Variants in RPE observed in about 807,000 individuals in gnomAD.
The protein encoded by RPE is ribulose-phosphate 3-epimerase.
In RPE, 16 loss-of-function variants were observed where a neutral mutation model predicts 24.6. The ratio of observed to expected loss-of-function variants is 0.65; its 90% CI spans 0.44 to 0.99. The LOEUF is 0.99. Ranked by LOEUF, RPE falls within the 50% of genes least tolerant of loss-of-function variation. RPE has a pLI of 0.00. For missense variants in RPE, 240 were observed against 294.5 expected, an observed-to-expected ratio of 0.81 and a Z score of 1.35; for synonymous variants, 93 against 98.4, an observed-to-expected ratio of 0.94 and a Z score of 0.33.
chr2:210,015,120 A>G (rs999901537), intron 2 of RPE, among the ~76,000 whole-genome samples: 4 of 152,140 alleles, frequency 2.6e-5, no homozygotes, highest in African/African-American at 7.2e-5. Flanking sequence ...CCGTTCTTCT[A>G]GTTGATAAGG....
In RPE at chr2:210,016,005, T is replaced by A. The variant is rs1362367293; in HGVS notation, c.235T>A (p.Trp79Arg). The A allele has an allele frequency of 6.2e-6, 10 of 1,614,050 alleles. No homozygotes were observed. Among genetic ancestry groups the A allele is most frequent in the African/African-American group, 1.3e-5 (1 of 74,906 alleles). The change falls in exon 3 of 6, where the codon TGG becomes AGG. Residue 79 changes from tryptophan (W) to arginine (R), a missense_variant. Physicochemically the swap from Trp to Arg is moderately radical, Grantham distance 101. Coordinates refer to ENST00000359429, the MANE Select transcript of RPE (RefSeq NM_199229.3). ...MHMMVSKPEQ[W>R]VKPMAVAGAN... ...CATGATGGTGTCCAAGCCAGAACAG[T>A]GGGTAAAGCCAATGGCTGTAGCAGG...
intron 2 of RPE, among the ~76,000 whole-genome samples, chr2:210,013,626 C>T (rs1361753594): frequency 6.6e-6 from 1 of 152,096 alleles, no homozygotes; most frequent in African/African-American, 2.4e-5. Flanking sequence ...TTTAAAATGT[C>T]TTAGTTTGAA....
intron 2 of RPE, among the ~76,000 whole-genome samples, chr2:210,014,408 C>T (rs540935823): frequency 6.6e-5 from 10 of 152,040 alleles, no homozygotes; most frequent in Non-Finnish European, 8.8e-5. Flanking sequence ...TATTTTAAAC[C>T]GGCTTGAATT....
chr2:210,016,069 A>G lies in RPE; in HGVS notation c.299A>G (p.Asn100Ser), dbSNP rs201976641. ...ACCTTTCATCTCGAGGCTACTGAGA[A>G]CCCAGGGGCTTTGATTAAAGACATT... is the stretch of plus-strand genomic sequence containing the variant. ...QYTFHLEATE[N>S]PGALIKDIRE... The change falls in exon 3 of 6, where the codon AAC becomes AGC. Residue 100 changes from asparagine (N) to serine (S), a missense_variant. Transcript: ENST00000359429. 1 of 1,614,252 alleles carries G rather than the reference A, an allele frequency of 6.2e-7. No homozygotes were observed. The highest frequency in any genetic ancestry group is 8.5e-7 in the Non-Finnish European group (1 of 1,180,042).
chr2:210,017,427 AC>A, intron 4 of RPE, 45 bp from the exon 5 acceptor site: 4 of 1,020,620 alleles, frequency 3.9e-6, no homozygotes, highest in South Asian at 1.4e-5. Flanking sequence ...ACCCCCACCA[AC>A]ATACCCACTT....
chr2:210,003,675 A>G (rs1420217755), intron 1 of RPE, among the ~76,000 whole-genome samples: 1 of 152,230 alleles, frequency 6.6e-6, no homozygotes, highest in East Asian at 1.9e-4. Context: ...TTAACTGACT[A>G]TAAAAATCAT....
At chr2:210,010,570 G>GT (rs1233868677) in intron 2 of RPE, among the ~76,000 whole-genome samples, 5 of 152,126 alleles carry the variant, frequency 3.3e-5, no homozygotes, top group Admixed American at 1.3e-4. Context: ...GCCATAAATA[G>GT]TTTTTTTAAC....
At chr2:210,016,151 C>A in intron 3 of RPE, 39 bp downstream of exon 3, 1 of 1,614,106 alleles carries the variant, frequency 6.2e-7, no homozygotes, top group Non-Finnish European at 8.5e-7. Flanking sequence ...AACATTCACT[C>A]TCAGTTGGGA....
chr2:210,011,243 G>C (rs2093695324), intron 2 of RPE, among the ~76,000 whole-genome samples: 1 of 152,140 alleles, frequency 6.6e-6, no homozygotes, highest in African/African-American at 2.4e-5. Flanking sequence ...TTTAAGCCAT[G>C]ATTAGCTTAT....
rs538555006 is a variant in RPE, at chr2:210,009,446, T to A, written c.123-211T>A. 2.8e-4 allele frequency among the ~76,000 whole-genome samples: 42 copies of A among 152,336 alleles called. No homozygotes were observed. The South Asian group carries it at 8.7e-3, about 32-fold the overall frequency. ...ACGGAGTCAAATCATTATGAAAATA[T>A]ATGTGACGTGATTTGTTGAAATGTC... On this transcript the variant is annotated intron_variant, in intron 1 of 5. Transcript: ENST00000359429.
At chr2:210,008,441 G>C (rs889111590) in intron 1 of RPE, among the ~76,000 whole-genome samples, 1 of 151,434 alleles carries the variant, frequency 6.6e-6, no homozygotes, top group South Asian at 2.1e-4. Context: ...GATTATAGAC[G>C]CACGCCACCA....
At chr2:210,002,991 C>T (rs1280177020) in intron 1 of RPE, among the ~76,000 whole-genome samples, 3 of 152,132 alleles carry the variant, frequency 2.0e-5, no homozygotes, top group Non-Finnish European at 2.9e-5. Flanking sequence ...GGGTCCCAAA[C>T]CTCAGTTCCT....
In RPE at chr2:210,016,595, A is replaced by T; in HGVS notation, c.431A>T (p.Glu144Val). 6.2e-7 allele frequency: 1 copy of T among 1,614,206 alleles called. No individual in the cohort carries two copies. The highest frequency in any genetic ancestry group is 8.5e-7 in the Non-Finnish European group (1 of 1,180,042). ...GATATGGCCTTGGTTATGACAGTGG[A>T]ACCGGGGTTTGGAGGGCAGAAATTC... The part of the protein sequence containing the change: ...QIDMALVMTV[E>V]PGFGGQKFME... Residue 144 changes from glutamate to valine, a missense_variant, in exon 4 of 6, where the codon GAA becomes GTA. Physicochemically the swap from Glu to Val is moderately radical, Grantham distance 121 (BLOSUM62 -2). Transcript: ENST00000359429.
At chr2:210,014,384 C>T (rs1204426042) in intron 2 of RPE, among the ~76,000 whole-genome samples, 3 of 152,248 alleles carry the variant, frequency 2.0e-5, no homozygotes, top group South Asian at 2.1e-4. Flanking sequence ...CCACCGCGCC[C>T]GGCCTGGAGT....
At chr2:210,011,771 A>C (rs2093702515) in intron 2 of RPE, among the ~76,000 whole-genome samples, 1 of 151,438 alleles carries the variant, frequency 6.6e-6, no homozygotes, top group South Asian at 2.1e-4. Context: ...TCCTGGGCTC[A>C]AGCAATCCTC....
intron 1 of RPE, chr2:210,003,358 C>T (rs2093588385): frequency 3.8e-6 from 3 of 784,092 alleles, no homozygotes; most frequent in East Asian, 6.5e-5. Flanking sequence ...GTTTACAGTG[C>T]CTGGCGTATA....
At chr2:210,010,929 A>T (rs189701978) in intron 2 of RPE, among the ~76,000 whole-genome samples, 2,745 of 151,090 alleles carry the variant, frequency 0.018, 80 homozygotes, top group African/African-American at 0.061. Context: ...AAAAAAAAAA[A>T]TTTTTTTTAA....
At chr2:210,014,084 G>A (rs1056773475) in intron 2 of RPE, among the ~76,000 whole-genome samples, 1 of 151,172 alleles carries the variant, frequency 6.6e-6, no homozygotes, top group African/African-American at 2.4e-5. Flanking sequence ...AATAGAGTAG[G>A]TTTTTTTGTT....
intron 1 of RPE, chr2:210,003,433 T>G: frequency 7.8e-7 from 1 of 1,287,086 alleles, no homozygotes; most frequent in South Asian, 1.2e-5. Flanking sequence ...CTATTTTCTC[T>G]TCAGGCACCC....
Sources: allele counts gnomAD v4.1 joint callset (sites outside exome capture counted in the v4.1 genomes callset), GRCh38; gene constraint gnomAD v4.1.1; transcripts MANE v1.5; gene names NCBI Gene and HGNC (gene_info 2026-07-23, HGNC 2026-07-21).